Variants in PTPRG observed in about 807,000 individuals in gnomAD.
PTPRG encodes the protein receptor-type tyrosine-protein phosphatase gamma.
In PTPRG, 102 loss-of-function variants were observed where a neutral mutation model predicts 165.3. The observed-to-expected ratio is 0.62, with a 90% confidence interval of 0.53 to 0.73. PTPRG has a LOEUF of 0.73. Among genes scored for constraint, PTPRG ranks in the 30% least tolerant of loss-of-function variants. PTPRG has a pLI of 0.00. For missense variants in PTPRG, 1,866 were observed against 1,861.4 expected (o/e 1.00, Z -0.05); for synonymous variants, 675 against 669.5 (o/e 1.01, Z -0.13).
intron 1 of PTPRG, among the ~76,000 whole-genome samples, chr3:61,708,609 C>T (rs1030899123): frequency 1.3e-5 from 2 of 151,764 alleles, no homozygotes; most frequent in Admixed American, 6.6e-5. Flanking sequence ...CGCCTGCCAC[C>T]ACGCCCAGCT....
chr3:61,747,236 A>G (rs1357966439), intron 1 of PTPRG, among the ~76,000 whole-genome samples: 1 of 152,192 alleles, frequency 6.6e-6, no homozygotes, highest in Non-Finnish European at 1.5e-5. Flanking sequence ...TTTTAGGTCC[A>G]TTTTACAGTC....
chr3:62,139,035 T>C (rs995404405), intron 6 of PTPRG, among the ~76,000 whole-genome samples: 1 of 152,222 alleles, frequency 6.6e-6, no homozygotes, highest in African/African-American at 2.4e-5. Context: ...TTGCTTGGTA[T>C]TTTATCATTG....
chr3:61,994,849 A>G (rs1172258370), intron 3 of PTPRG, among the ~76,000 whole-genome samples: 1 of 152,182 alleles, frequency 6.6e-6, no homozygotes, highest in Non-Finnish European at 1.5e-5. Context: ...CTCTGCTCAG[A>G]CACAGGCCAG....
chr3:62,167,725 C>A (rs1410171434), intron 7 of PTPRG, among the ~76,000 whole-genome samples: 1 of 152,110 alleles, frequency 6.6e-6, no homozygotes, highest in East Asian at 1.9e-4. Flanking sequence ...TGCGGTATAG[C>A]CCTCAAATGA....
intron 2 of PTPRG, among the ~76,000 whole-genome samples, chr3:61,774,471 T>C (rs2034307906): frequency 6.6e-6 from 1 of 152,164 alleles, no homozygotes; most frequent in South Asian, 2.1e-4. Context: ...AGAGTCCAAA[T>C]AGTTTACAAA....
chr3:61,632,373 G>A (rs1448365804), intron 1 of PTPRG, among the ~76,000 whole-genome samples: 1 of 152,186 alleles, frequency 6.6e-6, no homozygotes, highest in Non-Finnish European at 1.5e-5. Context: ...AGGCACATAG[G>A]TGTAATGCTT....
intron 1 of PTPRG, among the ~76,000 whole-genome samples, chr3:61,665,499 CACACAG>C (rs1702786833): frequency 6.6e-6 from 1 of 151,780 alleles, no homozygotes; most frequent in South Asian, 2.1e-4. Context: ...CACACACACA[CACACAG>C]GCACAAATAT....
intron 8 of PTPRG, among the ~76,000 whole-genome samples, chr3:62,170,719 GTTTTCTGATA>G (rs1705183820): frequency 6.6e-6 from 1 of 152,116 alleles, no homozygotes; most frequent in Non-Finnish European, 1.5e-5. Flanking sequence ...ATATTAAAAT[GTTTTCTGATA>G]TTTTTAGAGC....
intron 5 of PTPRG, among the ~76,000 whole-genome samples, chr3:62,120,124 A>G (rs1016001272): frequency 6.6e-6 from 1 of 151,980 alleles, no homozygotes; most frequent in Non-Finnish European, 1.5e-5. Flanking sequence ...CTGGTTAAAG[A>G]TGATTCCAGT....
In PTPRG at chr3:62,271,718, G is replaced by A. The variant is rs1450622024; in HGVS notation, c.3182+163G>A. On this transcript the variant is annotated intron_variant, in intron 21 of 29. Coordinates refer to ENST00000474889, the MANE Select transcript of PTPRG (RefSeq NM_002841.4). The surrounding 1 kb of genome is among the most constrained non-coding windows in gnomAD (Gnocchi z 4.1). The stretch of plus-strand genomic sequence containing the variant: ...ATAGTCTTAAAGAGGCTCTATTCCT[G>A]TAACATTAAGAAATCATCTGCTGCT... 6.6e-6 allele frequency among the ~76,000 whole-genome samples: 1 copy of A among 152,146 alleles called. No homozygotes were observed. Among genetic ancestry groups the A allele is most frequent in the East Asian group, 1.9e-4 (1 of 5,186 alleles).
intron 1 of PTPRG, among the ~76,000 whole-genome samples, chr3:61,681,735 A>G (rs1703447752): frequency 1.3e-5 from 2 of 152,206 alleles, no homozygotes. Flanking sequence ...AACAGTAGCC[A>G]TTATGATTTT....
At chr3:61,571,156 C>G (rs549679034) in intron 1 of PTPRG, among the ~76,000 whole-genome samples, 1 of 152,294 alleles carries the variant, frequency 6.6e-6, no homozygotes, top group African/African-American at 2.4e-5. Flanking sequence ...ATTTTATATG[C>G]TTTTAATCAT....
chr3:62,150,296 T>C (rs990164187), intron 6 of PTPRG, among the ~76,000 whole-genome samples: 3 of 152,202 alleles, frequency 2.0e-5, no homozygotes, highest in African/African-American at 7.2e-5. Flanking sequence ...AGTGTAGCTA[T>C]ACCTAAAAAT....
chr3:61,885,272 C>A, intron 2 of PTPRG, among the ~76,000 whole-genome samples: 1 of 152,066 alleles, frequency 6.6e-6, no homozygotes, highest in Non-Finnish European at 1.5e-5. Flanking sequence ...CTCTATTCTG[C>A]TGTTTGTTTC....
At chr3:62,123,601 C>G (rs952684098) in intron 5 of PTPRG, among the ~76,000 whole-genome samples, 1 of 152,022 alleles carries the variant, frequency 6.6e-6, no homozygotes, top group Non-Finnish European at 1.5e-5. Flanking sequence ...AAAAGGGTTA[C>G]GTTTACAACT....
At position 61,741,962 on chromosome 3, in the gene PTPRG, C is replaced by T. The variant is rs556063803; in HGVS notation, c.86-6916C>T. 3.3e-5 allele frequency among the ~76,000 whole-genome samples: 5 copies of T among 152,306 alleles called. No homozygotes were observed. The South Asian group carries it at 1.0e-3, about 32-fold the overall frequency. On this transcript the variant is annotated intron_variant, in intron 1 of 29. Coordinates refer to ENST00000474889, the MANE Select transcript of PTPRG (RefSeq NM_002841.4). ...TATTCCCTATGGATATATTATGTAA[C>T]AACATTTATTCATATTCAATATAGA... is the stretch of plus-strand genomic sequence containing the variant.
chr3:61,677,477 GTTAA>G (rs1323987303), intron 1 of PTPRG, among the ~76,000 whole-genome samples: 10 of 152,174 alleles, frequency 6.6e-5, no homozygotes, highest in Non-Finnish European at 1.0e-4. Flanking sequence ...TTTTGGACAT[GTTAA>G]TTAACCCTTT....
intron 4 of PTPRG, among the ~76,000 whole-genome samples, chr3:62,042,663 C>G (rs1176455783): frequency 6.6e-6 from 1 of 152,154 alleles, no homozygotes; most frequent in Non-Finnish European, 1.5e-5. Flanking sequence ...CACTCCAGTT[C>G]CTCTACTAGG....
intron 5 of PTPRG, among the ~76,000 whole-genome samples, chr3:62,117,454 C>G (rs1428933768): frequency 6.6e-6 from 1 of 152,194 alleles, no homozygotes; most frequent in Non-Finnish European, 1.5e-5. Context: ...CTGATTAACA[C>G]AACACTTGTA....
Sources: allele counts gnomAD v4.1 joint callset (sites outside exome capture counted in the v4.1 genomes callset), GRCh38; gene constraint gnomAD v4.1.1; non-coding constraint Gnocchi (gnomAD v3.1); transcripts MANE v1.5; gene names NCBI Gene and HGNC (gene_info 2026-07-23, HGNC 2026-07-21).